Variants in CPQ observed in about 807,000 individuals in gnomAD.
CPQ encodes carboxypeptidase Q, also known as Ser-Met dipeptidase.
Under a neutral mutation model 45.7 loss-of-function variants are expected in CPQ, and 37 were observed. That is an observed-to-expected ratio of 0.81 (90% CI 0.62 to 1.07). The LOEUF (loss-of-function observed/expected upper bound fraction) is 1.07, where lower values mean the gene tolerates loss of function less well. Among genes scored for constraint, CPQ ranks in the 50% least tolerant of loss-of-function variants. CPQ has a pLI of 0.00. For synonymous variants in CPQ, 186 were observed against 205.8 expected (o/e 0.90, Z 0.82); for missense variants, 537 against 572.9 (o/e 0.94, Z 0.64).
intron 1 of CPQ, among the ~76,000 whole-genome samples, chr8:96,734,717 AAAATAAAATAAAATAAAAT>A (rs1279610700): frequency 2.4e-3 from 57 of 23,826 alleles, no homozygotes; most frequent in East Asian, 0.017. Context: ...TCTCAAAAAT[AAAATAAAATAAAATAAAAT>A]AAATAAAATA....
chr8:96,730,559 T>C (rs1322451615), intron 1 of CPQ, among the ~76,000 whole-genome samples: 1 of 151,998 alleles, frequency 6.6e-6, no homozygotes, highest in Non-Finnish European at 1.5e-5. Flanking sequence ...TCTTTTCTCC[T>C]TCCCCCCAAA....
At chr8:97,141,698 G>A (rs1021437545) in intron 7 of CPQ, among the ~76,000 whole-genome samples, 32 of 152,228 alleles carry the variant, frequency 2.1e-4, no homozygotes, top group African/African-American at 6.0e-4. Flanking sequence ...GTAGCAGCAC[G>A]TAATAGAAAA....
intron 2 of CPQ, among the ~76,000 whole-genome samples, chr8:96,821,150 T>C (rs1811301626): frequency 9.1e-6 from 1 of 110,340 alleles, no homozygotes; most frequent in Non-Finnish European, 2.1e-5. Context: ...TTTTTTTTTT[T>C]TGCTATTGAG....
At chr8:96,731,585 A>G (rs1809913649) in intron 1 of CPQ, among the ~76,000 whole-genome samples, 1 of 152,182 alleles carries the variant, frequency 6.6e-6, no homozygotes, top group Admixed American at 6.5e-5. Context: ...AGAAGCCAGG[A>G]GCTTCCATGA....
At chr8:96,905,291 G>A (rs149251625) in intron 4 of CPQ, among the ~76,000 whole-genome samples, 57 of 152,146 alleles carry the variant, frequency 3.7e-4, no homozygotes, top group African/African-American at 1.3e-3. Flanking sequence ...CTCCCACCAG[G>A]CCCTTCCTCT....
At chr8:96,737,413 T>C (rs1046092929) in intron 1 of CPQ, among the ~76,000 whole-genome samples, 1 of 147,954 alleles carries the variant, frequency 6.8e-6, no homozygotes, top group Non-Finnish European at 1.5e-5. Context: ...GGTCCCACAA[T>C]AGGCTGTCTG....
At chr8:96,741,110 C>G (rs899645412) in intron 1 of CPQ, among the ~76,000 whole-genome samples, 7 of 152,164 alleles carry the variant, frequency 4.6e-5, no homozygotes, top group African/African-American at 1.4e-4. Context: ...GTCCTGGACT[C>G]TTTTTCGTTG....
chr8:96,786,783 G>A (rs895605312), intron 2 of CPQ, among the ~76,000 whole-genome samples: 1 of 152,086 alleles, frequency 6.6e-6, no homozygotes, highest in Non-Finnish European at 1.5e-5. Context: ...GTGATGTTGA[G>A]CATCCTTCCA....
chr8:96,788,991 T>C (rs1189251635), intron 2 of CPQ, among the ~76,000 whole-genome samples: 4 of 152,112 alleles, frequency 2.6e-5, no homozygotes, highest in African/African-American at 7.2e-5. Flanking sequence ...TTTTAAAAAA[T>C]AATTTCTGTG....
chr8:96,652,025 A>G (rs2130704135), intron 1 of CPQ, among the ~76,000 whole-genome samples: 1 of 152,346 alleles, frequency 6.6e-6, no homozygotes, highest in East Asian at 1.9e-4. Context: ...GAAATATACA[A>G]CACAGTATAA....
chr8:97,119,545 T>C (rs756733479), intron 7 of CPQ, among the ~76,000 whole-genome samples: 3 of 152,148 alleles, frequency 2.0e-5, no homozygotes, highest in Non-Finnish European at 4.4e-5. Context: ...TGATCTCTTC[T>C]GGAGGAAAGA....
chr8:96,765,374 C>T (rs1278143695), intron 1 of CPQ, among the ~76,000 whole-genome samples: 1 of 152,122 alleles, frequency 6.6e-6, no homozygotes, highest in Non-Finnish European at 1.5e-5. Flanking sequence ...AAAGAACCCA[C>T]CAAAGTTCAG....
chr8:97,121,462 A>G (rs979512694), intron 7 of CPQ, among the ~76,000 whole-genome samples: 1 of 152,216 alleles, frequency 6.6e-6, no homozygotes, highest in Non-Finnish European at 1.5e-5. Flanking sequence ...CCTAGAATCA[A>G]GATTATTTTA....
intron 2 of CPQ, among the ~76,000 whole-genome samples, chr8:96,790,835 C>A (rs1810836977): frequency 6.6e-6 from 1 of 152,042 alleles, no homozygotes. Context: ...TAATTTTTCC[C>A]ACTAAATATT....
At chr8:97,033,204 G>T (rs990315514) in intron 6 of CPQ, among the ~76,000 whole-genome samples, 9 of 152,132 alleles carry the variant, frequency 5.9e-5, no homozygotes, top group African/African-American at 1.7e-4. Flanking sequence ...AATAAAAGGT[G>T]TGAACTTTTT....
At chr8:97,120,962 C>G (rs1259545161) in intron 7 of CPQ, among the ~76,000 whole-genome samples, 1 of 152,110 alleles carries the variant, frequency 6.6e-6, no homozygotes, top group Non-Finnish European at 1.5e-5. Context: ...AAGCTAAAAC[C>G]TAAAAGGTAA....
chr8:97,072,100 T>C (rs766126496), intron 7 of CPQ, among the ~76,000 whole-genome samples: 1 of 152,144 alleles, frequency 6.6e-6, no homozygotes, highest in Non-Finnish European at 1.5e-5. Context: ...CATATGTCTG[T>C]GGCTAAATCA....
chr8:97,141,313 A>G (rs543301092), intron 7 of CPQ, among the ~76,000 whole-genome samples: 13 of 152,282 alleles, frequency 8.5e-5, no homozygotes, highest in Non-Finnish European at 1.6e-4. Context: ...AATTATGCCA[A>G]GAACTCTTAC....
At chr8:97,129,143 G>T (rs1374332465) in intron 7 of CPQ, among the ~76,000 whole-genome samples, 1 of 152,094 alleles carries the variant, frequency 6.6e-6, no homozygotes, top group Non-Finnish European at 1.5e-5. Flanking sequence ...TAATAGAAGG[G>T]ATTTCAAAAA....
Sources: gnomAD v4.1 joint callset for allele counts (sites outside exome capture counted in the v4.1 genomes callset) on GRCh38, gnomAD v4.1.1 for gene constraint, MANE v1.5 for transcripts, NCBI Gene and HGNC (gene_info 2026-07-23, HGNC 2026-07-21) for gene names.